The following NAA16 variants were observed in gnomAD, a reference collection of about 807,000 sequenced individuals.
The protein encoded by NAA16 is N-alpha-acetyltransferase 16, NatA auxiliary subunit.
A neutral mutation model predicts 110.3 loss-of-function variants in NAA16; 97 were observed. The observed-to-expected ratio is 0.88, with a 90% CI of 0.75 to 1.04. NAA16 has a LOEUF of 1.04. Among genes scored for constraint, NAA16 ranks in the 50% least tolerant of loss-of-function variants. The pLI, the probability that NAA16 is intolerant of heterozygous loss-of-function variation, is 0.00. For synonymous variants in NAA16, 372 were observed against 330.6 expected, an observed-to-expected ratio of 1.13 and a Z score of -1.36; for missense variants, 1,017 against 1,005.1, an observed-to-expected ratio of 1.01 and a Z score of -0.16.
intron 9 of NAA16, among the ~76,000 whole-genome samples, chr13:41,347,201 C>G (rs1352403008): frequency 1.0e-4 from 13 of 128,868 alleles, no homozygotes; most frequent in African/African-American, 3.8e-4. Context: ...GGCGACAGAG[C>G]GAGACTCCGT....
At chr13:41,374,088 T>C (rs556957715) in intron 18 of NAA16, among the ~76,000 whole-genome samples, 1 of 151,848 alleles carries the variant, frequency 6.6e-6, no homozygotes, top group African/African-American at 2.4e-5. Flanking sequence ...TGAAAGGAAG[T>C]GTCTACGAAA....
At chr13:41,324,371 T>G (rs1036720658) in intron 5 of NAA16, among the ~76,000 whole-genome samples, 1 of 89,840 alleles carries the variant, frequency 1.1e-5, no homozygotes, top group Non-Finnish European at 2.2e-5. Flanking sequence ...TTCTTTTTTT[T>G]TTTTTTTTTT....
At position 41,328,813 on chromosome 13, in the gene NAA16, T is replaced by G; in HGVS notation, c.781T>G (p.Tyr261Asp). 1 of 1,605,370 alleles carries G rather than the reference T, an allele frequency of 6.2e-7. No homozygotes were observed. Among genetic ancestry groups the G allele is most frequent in the Non-Finnish European group, 8.5e-7 (1 of 1,172,790 alleles). Residue 261 changes from tyrosine to aspartate, a missense_variant, in exon 7 of 20, where the codon TAT becomes GAT. Tyr to Asp is a radical substitution (Grantham distance 160, BLOSUM62 -3). Coordinates refer to ENST00000379406, the MANE Select transcript of NAA16 (RefSeq NM_024561.5). ...IDRNAENWCY[Y>D]EGLEKALQIS... is the part of the protein sequence containing the mutation. Reference sequence around the variant, plus strand: ...TCGAAATGCAGAAAATTGGTGTTATTATGAAGGCTTGGAAAAAGCTCTACA... The same window carrying G: ...TCGAAATGCAGAAAATTGGTGTTATGATGAAGGCTTGGAAAAAGCTCTACA...
intron 15 of NAA16, 123 bp from the exon 16 acceptor site, chr13:41,372,080 G>T (rs1322803916): frequency 3.8e-6 from 3 of 795,254 alleles, no homozygotes; most frequent in African/African-American, 3.6e-5. Flanking sequence ...ATGTTTTCTT[G>T]TTATTTGGTT....
intron 1 of NAA16, among the ~76,000 whole-genome samples, chr13:41,314,271 A>G (rs1430648145): frequency 6.6e-6 from 1 of 152,126 alleles, no homozygotes; most frequent in Non-Finnish European, 1.5e-5. Context: ...TGGCAGTATG[A>G]TTATTATTAT....
chr13:41,367,778 T>G (rs1189847635), intron 14 of NAA16, 126 bp downstream of exon 14: 1 of 619,422 alleles, frequency 1.6e-6, no homozygotes, highest in African/African-American at 1.9e-5. Flanking sequence ...ATTAGATAAC[T>G]CATATGCCAA....
chr13:41,320,906 A>C (rs1367568287), intron 4 of NAA16, 82 bp downstream of exon 4: 4 of 1,251,426 alleles, frequency 3.2e-6, no homozygotes, highest in Non-Finnish European at 2.2e-6. Context: ...AGGTGAGCAT[A>C]AGCCAAAATC....
In NAA16 at chr13:41,328,835, T is replaced by C; in HGVS notation, c.803T>C (p.Leu268Pro). The change falls in exon 7 of 20, where the codon CTA (leucine) becomes CCA (proline). Residue 268 changes from leucine to proline, a missense_variant. Coordinates refer to ENST00000379406, the MANE Select transcript of NAA16 (RefSeq NM_024561.5). ...TATTATGAAGGCTTGGAAAAAGCTC[T>C]ACAAATTAGTATGTAATGATTTTTC... is the stretch of plus-strand genomic sequence containing the variant. ...WCYYEGLEKA[L>P]QISTLEERLQ... is the part of the protein sequence containing the mutation. The C allele has an allele frequency of 6.3e-7, 1 of 1,598,136 alleles. No individual in the cohort carries two copies.
chr13:41,311,317 G>C lies in NAA16; in HGVS notation c.-212G>C, dbSNP rs978770935. On this transcript the variant is annotated 5_prime_UTR_variant, in exon 1 of 20. Transcript: ENST00000379406. ...GCCGCTGGCCAAAAAGCGGAGCCCAGGGGAAGCGTGTCCTGCTCAGACCGC... is the reference window on the plus strand; with the variant it reads ...GCCGCTGGCCAAAAAGCGGAGCCCACGGGAAGCGTGTCCTGCTCAGACCGC... 1 of 554,778 alleles carries C rather than the reference G, an allele frequency of 1.8e-6. No individual in the cohort carries two copies. The highest frequency in any genetic ancestry group is 2.0e-5 in the African/African-American group (1 of 49,910). The allele number at this position is 554,778 out of a possible 1,614,324, so 34.4% of individuals were successfully genotyped here.
chr13:41,324,957 G>GTTTTTTT (rs145690016), intron 5 of NAA16, among the ~76,000 whole-genome samples: 6 of 119,436 alleles, frequency 5.0e-5, no homozygotes, highest in Non-Finnish European at 6.5e-5. Context: ...TTTTAGTTTA[G>GTTTTTTT]TTTTTTTTTT....
intron 1 of NAA16, among the ~76,000 whole-genome samples, chr13:41,312,207 G>A (rs2483098): frequency 0.053 from 8,037 of 152,296 alleles, 285 homozygotes; most frequent in Non-Finnish European, 0.074. Context: ...CTTGAAGTGC[G>A]TTTCTGAGTT....
chr13:41,331,925 T>C (rs2042249971), intron 8 of NAA16, among the ~76,000 whole-genome samples: 1 of 152,148 alleles, frequency 6.6e-6, no homozygotes, highest in Non-Finnish European at 1.5e-5. Flanking sequence ...ATAAATAATA[T>C]GTATTGGTAG....
At chr13:41,314,168 GTAAA>G (rs151336630) in intron 1 of NAA16, among the ~76,000 whole-genome samples, 1,826 of 152,186 alleles carry the variant, frequency 0.012, 29 homozygotes, top group African/African-American at 0.041. Flanking sequence ...TAAATAAAGA[GTAAA>G]TAAGCTGTCA....
At chr13:41,323,705 G>T (rs772915191) in intron 5 of NAA16, among the ~76,000 whole-genome samples, 32 of 150,750 alleles carry the variant, frequency 2.1e-4, no homozygotes, top group Non-Finnish European at 1.6e-4. Flanking sequence ...GGCTGGTCTC[G>T]AACTCCTGGG....
chr13:41,347,147 C>T (rs570040376), intron 9 of NAA16, among the ~76,000 whole-genome samples: 2 of 148,094 alleles, frequency 1.4e-5, no homozygotes, highest in Admixed American at 6.9e-5. Flanking sequence ...ACCCAGGAGG[C>T]GGAGTTTGCA....
At chr13:41,316,630 T>C (rs1321656565) in intron 1 of NAA16, among the ~76,000 whole-genome samples, 3 of 152,138 alleles carry the variant, frequency 2.0e-5, no homozygotes, top group African/African-American at 7.2e-5. Context: ...TAAATGTCTT[T>C]TTTCATGGTC....
At chr13:41,320,463 C>T (rs1200118243) in intron 3 of NAA16, among the ~76,000 whole-genome samples, 4 of 152,134 alleles carry the variant, frequency 2.6e-5, no homozygotes, top group African/African-American at 9.7e-5. Flanking sequence ...GGCCATTACC[C>T]AGGTTCAGCA....
chr13:41,334,926 T>C (rs1456869789), intron 8 of NAA16, among the ~76,000 whole-genome samples: 1 of 152,138 alleles, frequency 6.6e-6, no homozygotes, highest in Non-Finnish European at 1.5e-5. Flanking sequence ...CTGTGCTTTT[T>C]GCAAAAGTGC....
intron 19 of NAA16, among the ~76,000 whole-genome samples, 189 bp downstream of exon 19, chr13:41,375,028 G>A (rs931645639): frequency 6.6e-6 from 1 of 152,162 alleles, no homozygotes; most frequent in African/African-American, 2.4e-5. Flanking sequence ...TTAAGATGAG[G>A]GTGAAAATAC....
Sources: gnomAD v4.1 joint callset for allele counts (sites outside exome capture counted in the v4.1 genomes callset) on GRCh38, gnomAD v4.1.1 for gene constraint, MANE v1.5 for transcripts, NCBI Gene and HGNC (gene_info 2026-07-23, HGNC 2026-07-21) for gene names.